The following PET117 variants were observed in gnomAD, a reference collection of about 807,000 sequenced individuals.
PET117 encodes protein PET117 homolog, mitochondrial.
In PET117, 10 loss-of-function variants were observed where a neutral mutation model predicts 9.2. The ratio of observed to expected loss-of-function variants is 1.09; its 90% CI spans 0.67 to 1.85. The LOEUF (loss-of-function observed/expected upper bound fraction) is 1.85. PET117 is among the 40% of genes most tolerant of loss of function. PET117 has a pLI of 0.00. For missense variants in PET117, 96 were observed against 98.2 expected (o/e 0.98, Z 0.09); for synonymous variants, 43 against 37.1 (o/e 1.16, Z -0.57).
chr20:18,143,000 G>T lies in PET117; in HGVS notation c.*643G>T. On this transcript the variant is annotated 3_prime_UTR_variant, in exon 2 of 2. Transcript: ENST00000432901. ...TCCAACCTGTGAAAGAAACGTGAAT[G>T]TAAAAGAGACCTAAATAAAAGGATA... is the stretch of plus-strand genomic sequence containing the variant. The T allele has an allele frequency of 6.5e-7, 1 of 1,538,176 alleles. No individual in the cohort carries two copies. The highest frequency in any genetic ancestry group is 8.8e-7 in the Non-Finnish European group (1 of 1,140,688).
intron 1 of PET117, among the ~76,000 whole-genome samples, chr20:18,140,663 T>C (rs2037499600): frequency 6.6e-6 from 1 of 151,146 alleles, no homozygotes; most frequent in African/African-American, 2.4e-5. Flanking sequence ...TACAAAAAAA[T>C]TAGCCAGGCC....
chr20:18,139,632 A>AGGTGTGTGTGTGTGTGTG (rs1203664163), intron 1 of PET117, among the ~76,000 whole-genome samples: 6 of 99,784 alleles, frequency 6.0e-5, no homozygotes, highest in Non-Finnish European at 1.3e-4. Context: ...AACCAAAATA[A>AGGTGTGTGTGTGTGTGTG]CGTGTGTGTG....
In PET117 at chr20:18,143,090, TGAAAC is replaced by T; in HGVS notation, c.*735_*739del. On this transcript the variant is annotated 3_prime_UTR_variant, in exon 2 of 2. Coordinates refer to ENST00000432901, the MANE Select transcript of PET117 (RefSeq NM_001164811.2). Reference sequence around the variant, plus strand: ...TAAAACATAGGCATGTTTGTACTAATGAAACGTACTGTCAACCTCTATCACATTGT... The same window carrying T: ...TAAAACATAGGCATGTTTGTACTAATGTACTGTCAACCTCTATCACATTGT... 2.1e-6 allele frequency: 3 copies of T among 1,400,374 alleles called. No homozygotes were observed. The highest frequency in any genetic ancestry group is 2.8e-6 in the Non-Finnish European group (3 of 1,075,550). The allele number at this position is 1,400,374 out of a possible 1,614,324, so 86.7% of individuals were successfully genotyped here.
intron 1 of PET117, among the ~76,000 whole-genome samples, chr20:18,138,918 A>G (rs1377661980): frequency 6.6e-6 from 1 of 152,248 alleles, no homozygotes; most frequent in Non-Finnish European, 1.5e-5. Flanking sequence ...TGCTGAGAAC[A>G]GGGTCATTGG....
intron 1 of PET117, among the ~76,000 whole-genome samples, chr20:18,141,246 G>T (rs1025269192): frequency 6.6e-6 from 1 of 151,928 alleles, no homozygotes; most frequent in Non-Finnish European, 1.5e-5. Context: ...AGTAATGACT[G>T]ATGTTTTTAA....
chr20:18,142,601 C>A lies in PET117; in HGVS notation c.*244C>A. On this transcript the variant is annotated 3_prime_UTR_variant, in exon 2 of 2. Transcript: ENST00000432901. ...ATCCTGGTAGAAGCCCCATTAGGGT[C>A]ACTGTCCAGTGCTTAGGGTTGTTAC... 1 of 1,599,972 alleles carries A rather than the reference C, an allele frequency of 6.3e-7. No homozygotes were observed. Among genetic ancestry groups the A allele is most frequent in the South Asian group, 1.1e-5 (1 of 88,946 alleles).
Position 18,142,128 on chromosome 20 carries a change from CTG to C in PET117, c.97-78_97-77del, listed in dbSNP as rs2037610238. On this transcript the variant is annotated intron_variant, in intron 1 of 1. Transcript: ENST00000432901. ...AAGTTTTAAGTATATTTTGGTAACA[CTG>C]TTATTTGGATTTGAATGGCACAAGG... The C allele has an allele frequency of 2.2e-6, 3 of 1,387,436 alleles. No homozygotes were observed. In the African/African-American group the frequency reaches 4.4e-5, roughly 20 times the overall value. The allele number at this position is 1,387,436 out of a possible 1,614,324, so 85.9% of individuals were successfully genotyped here.
rs528383473 is a variant in PET117 at position 18,139,167 on chromosome 20, G to T, written c.96+1116G>T. Among the ~76,000 whole-genome samples, 216 of 152,276 alleles carry T rather than the reference G, an allele frequency of 1.4e-3. 2 individuals are homozygous for T. Among genetic ancestry groups the T allele is most frequent in the East Asian group, 4.2e-3 (22 of 5,178 alleles). The stretch of plus-strand genomic sequence containing the variant: ...CATGTGATGGTACAAGAATTTTGAC[G>T]AGGGGTTGAGATGACTTAACAATGA... On this transcript the variant is annotated intron_variant, in intron 1 of 1. Transcript: ENST00000432901.
At position 18,142,792 on chromosome 20, in the gene PET117, T is replaced by G; in HGVS notation, c.*435T>G. Reference sequence around the variant, plus strand: ...CGCTCCTGATCGTCGAATCCGAGGATCAGGCATCAGTGGACTTATCGCACG... The same window carrying G: ...CGCTCCTGATCGTCGAATCCGAGGAGCAGGCATCAGTGGACTTATCGCACG... On this transcript the variant is annotated 3_prime_UTR_variant, in exon 2 of 2. Coordinates refer to ENST00000432901, the MANE Select transcript of PET117 (RefSeq NM_001164811.2). 2 of 1,614,118 alleles carry G rather than the reference T, an allele frequency of 1.2e-6. No homozygotes were observed. Among genetic ancestry groups the G allele is most frequent in the African/African-American group, 1.3e-5 (1 of 75,022 alleles).
intron 1 of PET117, among the ~76,000 whole-genome samples, chr20:18,141,023 A>ATTTTTTTTTTTTTTTTTT (rs67633205): frequency 9.6e-4 from 47 of 48,740 alleles, no homozygotes; most frequent in East Asian, 1.6e-3. Context: ...ACTCCCTGCA[A>ATTTTTTTTTTTTTTTTTT]TTTTTTTTTT....
rs1457522273 is a variant in PET117 at position 18,139,208 on chromosome 20, A to G, written c.96+1157A>G. Among the ~76,000 whole-genome samples the G allele has an allele frequency of 2.0e-5, 3 of 152,168 alleles. No individual in the cohort carries two copies. The East Asian group carries it at 5.8e-4, about 29-fold the overall frequency. ...TTAACAATGAAAGGGCACAGGAGAG[A>G]TCAGAGATTTGGGATTAAAATGTGC... is the stretch of plus-strand genomic sequence containing the variant. On this transcript the variant is annotated intron_variant, in intron 1 of 1. Transcript: ENST00000432901.
In PET117 at chr20:18,137,892, A is replaced by ACTCTGCGGCGGC. The variant is rs2037350621; in HGVS notation, c.-56_-45dup. 2 of 1,420,760 alleles carry ACTCTGCGGCGGC rather than the reference A, an allele frequency of 1.4e-6. No individual in the cohort carries two copies. Among genetic ancestry groups the ACTCTGCGGCGGC allele is most frequent in the Middle Eastern group, 2.5e-4 (1 of 3,924 alleles). 88.0% of individuals were successfully genotyped at this position (1,420,760 alleles called of 1,614,324 possible). On this transcript the variant is annotated 5_prime_UTR_variant, in exon 1 of 2. Transcript: ENST00000432901. ...CTGGGCAGTACAGGCGGCGGTGCGCACTCTGCGGCGGCCTCTGCGCCTCGG... is the reference window on the plus strand; with the variant it reads ...CTGGGCAGTACAGGCGGCGGTGCGCACTCTGCGGCGGCCTCTGCGGCGGCCTCTGCGCCTCGG...
At chr20:18,138,385 C>CA (rs1192047433) in intron 1 of PET117, 19 of 1,049,616 alleles carry the variant, frequency 1.8e-5, no homozygotes, top group Non-Finnish European at 2.2e-5. Context: ...TTTCAAGTCA[C>CA]AGCCGGCCCG....
chr20:18,137,888 G>T lies in PET117; in HGVS notation c.-68G>T. The T allele has an allele frequency of 2.1e-6, 3 of 1,411,850 alleles. No individual in the cohort carries two copies. In the South Asian group the frequency reaches 4.3e-5, roughly 20 times the overall value. 87.5% of individuals were successfully genotyped at this position (1,411,850 alleles called of 1,614,324 possible). On this transcript the variant is annotated 5_prime_UTR_variant, in exon 1 of 2. Coordinates refer to ENST00000432901, the MANE Select transcript of PET117 (RefSeq NM_001164811.2). ...GAGCCTGGGCAGTACAGGCGGCGGT[G>T]CGCACTCTGCGGCGGCCTCTGCGCC...
Position 18,142,917 on chromosome 20 carries a change from C to G in PET117, c.*560C>G, listed in dbSNP as rs775908942. 12 of 1,613,326 alleles carry G rather than the reference C, an allele frequency of 7.4e-6. No individual in the cohort carries two copies. The highest frequency in any genetic ancestry group is 1.3e-5 in the African/African-American group (1 of 75,020). ...GACAAGTGCCAAAAATGGATACCAG[C>G]CAGTAAGGAGCTTCTCAATTCCTTT... On this transcript the variant is annotated 3_prime_UTR_variant, in exon 2 of 2. Transcript: ENST00000432901.
chr20:18,143,028 T>A lies in PET117; in HGVS notation c.*671T>A. 1 of 1,461,342 alleles carries A rather than the reference T, an allele frequency of 6.8e-7. No homozygotes were observed. The highest frequency in any genetic ancestry group is 1.5e-5 in the South Asian group (1 of 68,382). 90.5% of individuals were successfully genotyped at this position (1,461,342 alleles called of 1,614,324 possible). ...AAAGAGACCTAAATAAAAGGATAAT[T>A]ATATTTATTCTCTAGTTGATCAGCT... On this transcript the variant is annotated 3_prime_UTR_variant, in exon 2 of 2. Coordinates refer to ENST00000432901, the MANE Select transcript of PET117 (RefSeq NM_001164811.2).
At chr20:18,138,394 C>T (rs919026648) in intron 1 of PET117, 39 of 1,040,344 alleles carry the variant, frequency 3.7e-5, no homozygotes, top group East Asian at 7.6e-5. Context: ...ACAGCCGGCC[C>T]GCAGGGTGCG....
intron 1 of PET117, among the ~76,000 whole-genome samples, chr20:18,140,670 G>A (rs2146324921): frequency 6.6e-6 from 1 of 151,878 alleles, no homozygotes; most frequent in Non-Finnish European, 1.5e-5. Context: ...AAATTAGCCA[G>A]GCCTGGTGGC....
rs942188971 is a variant in PET117, at chr20:18,143,071, A to G, written c.*714A>G. 4 of 1,421,384 alleles carry G rather than the reference A, an allele frequency of 2.8e-6. No homozygotes were observed. The highest frequency in any genetic ancestry group is 1.4e-5 in the African/African-American group (1 of 69,498). The allele number at this position is 1,421,384 out of a possible 1,614,324, so 88.0% of individuals were successfully genotyped here. A position where few individuals can be genotyped will look rare whatever the true frequency, so the allele number is the denominator to read the frequency against. On this transcript the variant is annotated 3_prime_UTR_variant, in exon 2 of 2. Coordinates refer to ENST00000432901, the MANE Select transcript of PET117 (RefSeq NM_001164811.2). ...GATCAGCTATAAATTTATATAAAACATAGGCATGTTTGTACTAATGAAACG... is the reference window on the plus strand; with the variant it reads ...GATCAGCTATAAATTTATATAAAACGTAGGCATGTTTGTACTAATGAAACG...
Sources: gnomAD v4.1 joint callset for allele counts (sites outside exome capture counted in the v4.1 genomes callset) on GRCh38, gnomAD v4.1.1 for gene constraint, MANE v1.5 for transcripts, NCBI Gene and HGNC (gene_info 2026-07-23, HGNC 2026-07-21) for gene names.